ENOSF1: variants seen among roughly 807,000 people sequenced by gnomAD.
ENOSF1 encodes the protein enolase superfamily member 1, also known as mitochondrial enolase superfamily member 1.
ENOSF1 carries 73 observed loss-of-function variants against 68.2 expected under a neutral mutation model. The ratio of observed to expected loss-of-function variants is 1.07; its 90% CI spans 0.89 to 1.30. The LOEUF is 1.30. Among genes scored for constraint, ENOSF1 ranks in the 50% most tolerant of loss-of-function variants. The pLI is 0.00. For missense variants in ENOSF1, 589 were observed against 554.5 expected (o/e 1.06, Z -0.62); for synonymous variants, 223 against 210.4 (o/e 1.06, Z -0.52).
At chr18:692,715 C>T (rs888975743) in intron 5 of ENOSF1, 1 of 989,686 alleles carries the variant, frequency 1.0e-6, no homozygotes, top group Non-Finnish European at 1.2e-6. Flanking sequence ...TTTCTGGTGG[C>T]CTGCAAATCA....
intron 8 of ENOSF1, among the ~76,000 whole-genome samples, chr18:688,924 TAA>T (rs1254507874): frequency 1.3e-5 from 2 of 152,106 alleles, no homozygotes; most frequent in Non-Finnish European, 2.9e-5. Context: ...TGAGTGGATA[TAA>T]GAGTAACATG....
chr18:692,919 C>CA, intron 5 of ENOSF1: 1 of 1,175,852 alleles, frequency 8.5e-7, no homozygotes, highest in South Asian at 1.6e-5. Flanking sequence ...TCTTCAAGGC[C>CA]ATGGTGTTCT....
chr18:712,604 G>T lies in ENOSF1; in HGVS notation c.-17C>A, dbSNP rs572340530. The stretch of plus-strand genomic sequence containing the variant: ...GCGCACCATGGCCCCTGCGCCCCGT[G>T]GCCGCGGCCCCCGTGCGGTCAGGAC... On this transcript the variant is annotated 5_prime_UTR_variant, in exon 1 of 16. Coordinates refer to ENST00000647584, the MANE Select transcript of ENOSF1 (RefSeq NM_017512.7). The T allele has an allele frequency of 6.7e-5, 103 of 1,529,624 alleles. 1 individual carries two copies. The highest frequency in any genetic ancestry group is 2.7e-4 in the African/African-American group (20 of 72,848). 94.8% of individuals were successfully genotyped at this position (1,529,624 alleles called of 1,614,324 possible). A position where few individuals can be genotyped will look rare whatever the true frequency, so the allele number is the denominator to read the frequency against.
rs1384711951 is a variant in ENOSF1 at position 712,502 on chromosome 18, A to C, written c.84+2T>G. On this transcript the variant is annotated splice_donor_variant, in intron 1 of 15. Transcript: ENST00000647584. LOFTEE classifies it high-confidence loss of function. ...CGCGCTTACCATGGCGTCCGCGCTT[A>C]CCATGGCGTCCGCGCCGTGGCCCCC... 3.3e-6 allele frequency: 5 copies of C among 1,537,684 alleles called. No individual in the cohort carries two copies. The highest frequency in any genetic ancestry group is 4.4e-6 in the Non-Finnish European group (5 of 1,146,250).
downstream of ENOSF1, among the ~76,000 whole-genome samples, chr18:667,424 TGATGGA>T (rs1567990558): frequency 0.011 from 32 of 2,858 alleles, 6 homozygotes; most frequent in Non-Finnish European, 0.019. Context: ...ATGGTGATGG[TGATGGA>T]GATGGTGATG....
intron 10 of ENOSF1, 49 bp downstream of exon 10, chr18:685,872 A>G: frequency 7.4e-7 from 1 of 1,347,096 alleles, no homozygotes; most frequent in Non-Finnish European, 1.1e-6. Context: ...AGTTGTATTT[A>G]GCCCTGGACA....
intron 14 of ENOSF1, 189 bp from the exon 15 acceptor site, chr18:675,591 C>A: frequency 1.7e-6 from 1 of 587,388 alleles, no homozygotes; most frequent in East Asian, 2.9e-5. Flanking sequence ...TAAAATATAG[C>A]AATGTGAGGT....
At chr18:693,947 TAA>T (rs2077462215) in intron 4 of ENOSF1, 39 bp from the exon 5 acceptor site, 1 of 1,609,304 alleles carries the variant, frequency 6.2e-7, no homozygotes, top group African/African-American at 1.3e-5. Context: ...GACATATGTG[TAA>T]AGTCCCCATT....
chr18:693,215 G>C (rs2077380940), intron 5 of ENOSF1: 1 of 1,289,060 alleles, frequency 7.8e-7, no homozygotes, highest in Non-Finnish European at 1.0e-6. Context: ...ACAGTCAAGT[G>C]CATAGCTTTA....
intron 2 of ENOSF1, among the ~76,000 whole-genome samples, chr18:698,973 T>C (rs1042114113): frequency 1.3e-5 from 2 of 152,084 alleles, no homozygotes; most frequent in Non-Finnish European, 2.9e-5. Flanking sequence ...TGTCTCAGCC[T>C]CCTGAGTAGC....
chr18:701,505 A>G (rs1347245845), intron 2 of ENOSF1, among the ~76,000 whole-genome samples: 1 of 152,152 alleles, frequency 6.6e-6, no homozygotes, highest in Admixed American at 6.6e-5. Context: ...CTGTAATCCC[A>G]GCACTTTGGG....
chr18:691,368 C>T, intron 5 of ENOSF1, 92 bp from the exon 6 acceptor site: 1 of 1,049,516 alleles, frequency 9.5e-7, no homozygotes, highest in Non-Finnish European at 1.4e-6. Flanking sequence ...TTTTTAGAGA[C>T]AAGGTCTCAC....
chr18:680,247 T>C (rs563088050), intron 11 of ENOSF1, among the ~76,000 whole-genome samples: 1 of 152,328 alleles, frequency 6.6e-6, no homozygotes, highest in South Asian at 2.1e-4. Flanking sequence ...CTCGGCCTCC[T>C]CATCTGCAGA....
chr18:669,967 AAAC>A (rs921598678), downstream of ENOSF1, among the ~76,000 whole-genome samples: 29 of 152,058 alleles, frequency 1.9e-4, no homozygotes, highest in South Asian at 1.9e-3. Context: ...GAATATTTAA[AAAC>A]AACAACAACA....
chr18:664,330 G>A, the ENOSF1 span, among the ~76,000 whole-genome samples: 1 of 150,060 alleles, frequency 6.7e-6, no homozygotes, highest in African/African-American at 2.5e-5. Flanking sequence ...TCTGTTATTG[G>A]TGTATAAGAA....
chr18:710,659 C>T (rs2079417647), intron 1 of ENOSF1, among the ~76,000 whole-genome samples: 1 of 152,192 alleles, frequency 6.6e-6, no homozygotes, highest in South Asian at 2.1e-4. Context: ...GGTGTGAGCC[C>T]TCATGCCTGG....
chr18:685,795 A>T lies in ENOSF1; in HGVS notation c.741+126T>A, dbSNP rs547326626. 2.3e-4 allele frequency: 176 copies of T among 758,278 alleles called. 2 individuals are homozygous for T. In the South Asian group the frequency reaches 2.9e-3, roughly 13 times the overall value. 47.0% of individuals were successfully genotyped at this position (758,278 alleles called of 1,614,324 possible). ...TTTGTTTGAGCTCGCCTACTGCAAGACCACAGAAGTGTACTTCCTCTGACA... is the reference window on the plus strand; with the variant it reads ...TTTGTTTGAGCTCGCCTACTGCAAGTCCACAGAAGTGTACTTCCTCTGACA... On this transcript the variant is annotated intron_variant, in intron 10 of 15. Transcript: ENST00000647584.
chr18:702,081 T>C (rs1568122117), intron 2 of ENOSF1, among the ~76,000 whole-genome samples: 1 of 150,730 alleles, frequency 6.6e-6, no homozygotes, highest in Non-Finnish European at 1.5e-5. Context: ...CTGGGCAAAA[T>C]GATGAAATCC....
At position 677,410 on chromosome 18, in the gene ENOSF1, G is replaced by A. The variant is rs781476902; in HGVS notation, c.1083C>T (p.Leu361=). 1 of 1,613,870 alleles carries A rather than the reference G, an allele frequency of 6.2e-7. No homozygotes were observed. Among genetic ancestry groups the A allele is most frequent in the Non-Finnish European group, 8.5e-7 (1 of 1,179,980 alleles). ...PVCPHAGGVG[L]CELVQHLIIF... ...TAATCAGGTGCTGCACCAGTTCACA[G>A]AGGCCAACTCCACCAGCATGGGGGC... Residue 361 remains leucine (L), a synonymous_variant, in exon 14 of 16, where the codon CTC becomes CTT. Transcript: ENST00000647584.
Sources: gnomAD v4.1 joint callset for allele counts (sites outside exome capture counted in the v4.1 genomes callset) on GRCh38, gnomAD v4.1.1 for gene constraint, MANE v1.5 for transcripts, NCBI Gene and HGNC (gene_info 2026-07-23, HGNC 2026-07-21) for gene names.